Variants in PKP4 observed in about 807,000 individuals in gnomAD.
PKP4 encodes plakophilin-4.
PKP4 carries 90 observed loss-of-function variants against 145.1 expected under a neutral mutation model. The ratio of observed to expected loss-of-function variants is 0.62; its 90% CI spans 0.52 to 0.74. The LOEUF (loss-of-function observed/expected upper bound fraction) is 0.74. Ranked by LOEUF, PKP4 falls within the 30% of genes least tolerant of loss-of-function variation. The probability of loss-of-function intolerance (pLI) is 0.00; values close to 1 mark genes in which losing one functional copy is unlikely to be tolerated. For synonymous variants in PKP4, 563 were observed against 577.2 expected, an observed-to-expected ratio of 0.98 and a Z score of 0.35; for missense variants, 1,340 against 1,482.7, an observed-to-expected ratio of 0.90 and a Z score of 1.58.
At chr2:158,666,612 A>G (rs750518235) in intron 16 of PKP4, 49 bp downstream of exon 16, 1 of 1,487,786 alleles carries the variant, frequency 6.7e-7, no homozygotes, top group Non-Finnish European at 9.1e-7. Flanking sequence ...CAGCTACAAA[A>G]TTCATGAAAC....
At chr2:158,582,049 C>T (rs960171716) in intron 3 of PKP4, among the ~76,000 whole-genome samples, 3 of 152,116 alleles carry the variant, frequency 2.0e-5, no homozygotes, top group Non-Finnish European at 2.9e-5. Flanking sequence ...CAGAAATAAT[C>T]GCTGCAACCT....
At chr2:158,597,670 G>T (rs2049872759) in intron 3 of PKP4, among the ~76,000 whole-genome samples, 2 of 152,074 alleles carry the variant, frequency 1.3e-5, no homozygotes, top group Non-Finnish European at 2.9e-5. Context: ...CAATTTCTAG[G>T]ATAATTTGAG....
At chr2:158,563,761 T>G (rs758429163) in intron 2 of PKP4, among the ~76,000 whole-genome samples, 3 of 152,090 alleles carry the variant, frequency 2.0e-5, no homozygotes, top group Non-Finnish European at 4.4e-5. Flanking sequence ...TTTGTACTAG[T>G]GTACATTCCT....
At chr2:158,576,436 A>G (rs1990154) in intron 2 of PKP4, among the ~76,000 whole-genome samples, 108,820 of 152,004 alleles carry the variant, frequency 0.72, 40,147 homozygotes, top group Non-Finnish European at 0.8. Flanking sequence ...TGCTATTTGT[A>G]GCTTAAAACC....
intron 10 of PKP4, among the ~76,000 whole-genome samples, chr2:158,641,655 A>C (rs1433475779): frequency 6.6e-6 from 1 of 152,222 alleles, no homozygotes; most frequent in Admixed American, 6.5e-5. Context: ...ACAGTATACC[A>C]GTTCCAGACC....
rs200695403 is a variant in PKP4, at chr2:158,678,593, C to T, written c.3269C>T (p.Pro1090Leu). The T allele has an allele frequency of 1.2e-6, 2 of 1,609,842 alleles. No individual in the cohort carries two copies. Among genetic ancestry groups the T allele is most frequent in the Non-Finnish European group, 1.7e-6 (2 of 1,176,044 alleles). The change falls in exon 21 of 22, where the codon CCT becomes CTT. Residue 1090 changes from proline (P) to leucine (L), a missense_variant. By Grantham distance (98) the Pro-to-Leu change is moderately conservative. Coordinates refer to ENST00000389759, the MANE Select transcript of PKP4 (RefSeq NM_003628.6). Reference protein sequence around the residue: ...HKGLYPGSSKPSPIYISSYSS... With the variant: ...HKGLYPGSSKLSPIYISSYSS... ...TATTTTCTTACAGGCTCCAGCAAACCTTCACCAATTTACATCAGTTCCTAT... is the reference window on the plus strand; with the variant it reads ...TATTTTCTTACAGGCTCCAGCAAACTTTCACCAATTTACATCAGTTCCTAT...
intron 20 of PKP4, 45 bp from the exon 21 acceptor site, chr2:158,678,536 G>C (rs747279718): frequency 1.5e-6 from 2 of 1,361,096 alleles, no homozygotes; most frequent in Non-Finnish European, 2.1e-6. Flanking sequence ...TAATGGACCA[G>C]AGTAATAAGC....
intron 2 of PKP4, among the ~76,000 whole-genome samples, chr2:158,537,566 G>C (rs1472739617): frequency 6.6e-6 from 1 of 152,166 alleles, no homozygotes; most frequent in Middle Eastern, 3.2e-3. Flanking sequence ...GCTGTAATTA[G>C]GATCATCCTT....
intron 1 of PKP4, among the ~76,000 whole-genome samples, chr2:158,502,412 A>C (rs1185430629): frequency 6.6e-6 from 1 of 152,142 alleles, no homozygotes; most frequent in Non-Finnish European, 1.5e-5. Context: ...CTCATTCCCA[A>C]ATTAGTGCCC....
chr2:158,550,504 C>CCAA (rs1240076810), intron 2 of PKP4, among the ~76,000 whole-genome samples: 3 of 152,114 alleles, frequency 2.0e-5, no homozygotes, highest in Non-Finnish European at 4.4e-5. Context: ...ACAGTGTGAC[C>CCAA]CAACAAGCAC....
intron 4 of PKP4, among the ~76,000 whole-genome samples, chr2:158,609,995 C>T (rs1234892053): frequency 2.0e-5 from 3 of 152,198 alleles, no homozygotes; most frequent in South Asian, 2.1e-4. Context: ...GGTCTTTAAA[C>T]TTCTTCCCTA....
chr2:158,624,896 G>T lies in PKP4; in HGVS notation c.622G>T (p.Ala208Ser). ...TLVQPSVANR[A>S]MRRVSSVPSR... ...TCATCAGCCATCAGTAGCCAATCGG[G>T]CCATGAGAAGAGTTAGTTCAGTTCC... The change falls in exon 7 of 22, where the codon GCC becomes TCC. Residue 208 changes from alanine to serine, a missense_variant. Coordinates refer to ENST00000389759, the MANE Select transcript of PKP4 (RefSeq NM_003628.6). 6.3e-7 allele frequency: 1 copy of T among 1,592,226 alleles called. No individual in the cohort carries two copies. The highest frequency in any genetic ancestry group is 1.3e-5 in the African/African-American group (1 of 74,466).
chr2:158,467,731 C>T (rs1397343857), intron 1 of PKP4, among the ~76,000 whole-genome samples: 1 of 151,992 alleles, frequency 6.6e-6, no homozygotes, highest in Non-Finnish European at 1.5e-5. Flanking sequence ...CCTGTAGTCT[C>T]AGGTAATTGG....
At chr2:158,639,855 A>G (rs1478394074) in intron 9 of PKP4, among the ~76,000 whole-genome samples, 1 of 152,210 alleles carries the variant, frequency 6.6e-6, no homozygotes. Flanking sequence ...GGCCAGGCGC[A>G]TGGCCTTTCT....
At chr2:158,556,586 A>G (rs1400230603) in intron 2 of PKP4, among the ~76,000 whole-genome samples, 1 of 148,298 alleles carries the variant, frequency 6.7e-6, no homozygotes, top group Admixed American at 6.8e-5. Context: ...GTCTTAAGAT[A>G]TGCCAAAGAT....
chr2:158,607,274 T>C (rs144180733), intron 4 of PKP4, among the ~76,000 whole-genome samples: 2 of 152,334 alleles, frequency 1.3e-5, no homozygotes, highest in African/African-American at 4.8e-5. Context: ...CCTTTTCTTT[T>C]CTATTGGAGA....
Position 158,577,360 on chromosome 2 carries a change from A to T in PKP4, c.222A>T (p.Glu74Asp), listed in dbSNP as rs758787665. 4.3e-6 allele frequency: 7 copies of T among 1,612,274 alleles called. No individual in the cohort carries two copies. The East Asian group carries it at 1.1e-4, about 26-fold the overall frequency. The change falls in exon 3 of 22, where the codon GAA becomes GAT. Residue 74 changes from glutamate (E) to aspartate (D), a missense_variant. Coordinates refer to ENST00000389759, the MANE Select transcript of PKP4 (RefSeq NM_003628.6). Reference protein sequence around the residue: ...SQLERCRLGAESPSIASTSST... With the variant: ...SQLERCRLGADSPSIASTSST... The stretch of plus-strand genomic sequence containing the variant: ...TAGAAAGATGTAGGCTTGGAGCAGA[A>T]TCACCAAGCATCGCCAGCACCAGGT...
intron 18 of PKP4, 36 bp from the exon 19 acceptor site, chr2:158,673,847 C>T: frequency 6.7e-7 from 1 of 1,494,428 alleles, no homozygotes; most frequent in Non-Finnish European, 9.3e-7. Context: ...TGTCATTATT[C>T]ATTTTGAGAG....
chr2:158,538,867 G>A (rs2044290110), intron 2 of PKP4, among the ~76,000 whole-genome samples: 1 of 152,090 alleles, frequency 6.6e-6, no homozygotes, highest in African/African-American at 2.4e-5. Flanking sequence ...TATATTTTTG[G>A]TTAATGATTT....
Sources: gnomAD v4.1 joint callset for allele counts (sites outside exome capture counted in the v4.1 genomes callset) on GRCh38, gnomAD v4.1.1 for gene constraint, MANE v1.5 for transcripts, NCBI Gene and HGNC (gene_info 2026-07-23, HGNC 2026-07-21) for gene names.